The following CCDC73 variants were observed in gnomAD, a reference collection of about 807,000 sequenced individuals.
CCDC73 encodes coiled-coil domain containing 73, also known as coiled-coil domain-containing protein 73.
Under a neutral mutation model 116.5 loss-of-function variants are expected in CCDC73, and 95 were observed. The observed-to-expected ratio is 0.82, with a 90% CI of 0.69 to 0.97. CCDC73 has a LOEUF of 0.97. Among genes scored for constraint, CCDC73 ranks in the 50% least tolerant of loss-of-function variants. The probability of loss-of-function intolerance (pLI) is 0.00; values close to 1 mark genes in which losing one functional copy is unlikely to be tolerated. For missense variants in CCDC73, 1,066 were observed against 1,206.8 expected, an observed-to-expected ratio of 0.88 and a Z score of 1.73; for synonymous variants, 398 against 401.3, an observed-to-expected ratio of 0.99 and a Z score of 0.10.
At chr11:32,756,678 C>T (rs949420404) in intron 2 of CCDC73, among the ~76,000 whole-genome samples, 4 of 151,712 alleles carry the variant, frequency 2.6e-5, no homozygotes, top group Non-Finnish European at 5.9e-5. Flanking sequence ...ATCTTCCGAA[C>T]GATACAAGGA....
intron 12 of CCDC73, among the ~76,000 whole-genome samples, chr11:32,644,576 C>T (rs893374056): frequency 2.0e-5 from 3 of 152,190 alleles, no homozygotes; most frequent in African/African-American, 4.8e-5. Flanking sequence ...ACTATCACCA[C>T]TATCCATGTT....
chr11:32,786,437 A>G, intron 1 of CCDC73, among the ~76,000 whole-genome samples: 2 of 117,470 alleles, frequency 1.7e-5, no homozygotes, highest in South Asian at 5.3e-4. Context: ...TATAATATAT[A>G]ATAAATATAT....
intron 3 of CCDC73, among the ~76,000 whole-genome samples, chr11:32,716,548 A>G (rs977690661): frequency 6.6e-6 from 1 of 152,134 alleles, no homozygotes; most frequent in Admixed American, 6.5e-5. Flanking sequence ...TATGTTCTTG[A>G]CATTTTAAAT....
intron 17 of CCDC73, among the ~76,000 whole-genome samples, chr11:32,610,654 A>G (rs1027502806): frequency 2.0e-5 from 3 of 152,200 alleles, no homozygotes; most frequent in Non-Finnish European, 2.9e-5. Flanking sequence ...ATACTTTAAT[A>G]CATATATCCA....
At chr11:32,792,904 T>C (rs1037554326) in intron 1 of CCDC73, among the ~76,000 whole-genome samples, 2 of 152,218 alleles carry the variant, frequency 1.3e-5, no homozygotes, top group Non-Finnish European at 2.9e-5. Context: ...TGGGGTTTGT[T>C]TTTTTAGGAT....
intron 2 of CCDC73, among the ~76,000 whole-genome samples, chr11:32,755,695 GTATATATATATCTCCATATATA>G (rs1565094218): frequency 4.1e-4 from 11 of 26,950 alleles, no homozygotes; most frequent in Admixed American, 1.1e-3. Context: ...ATATATATGT[GTATATATATATCTCCATATATA>G]TGTGTATATA....
the CCDC73 span, among the ~76,000 whole-genome samples, chr11:32,806,048 A>G: frequency 2.6e-5 from 4 of 152,228 alleles, no homozygotes; most frequent in African/African-American, 9.6e-5. Flanking sequence ...TCTAAGACTC[A>G]TTTTTGGAAA....
At chr11:32,732,303 G>C (rs1207159670) in intron 2 of CCDC73, among the ~76,000 whole-genome samples, 1 of 152,304 alleles carries the variant, frequency 6.6e-6, no homozygotes, top group South Asian at 2.1e-4. Flanking sequence ...TGGTGTACCT[G>C]AAAGTGATGG....
At chr11:32,624,395 A>C (rs978068973) in intron 14 of CCDC73, among the ~76,000 whole-genome samples, 1 of 152,156 alleles carries the variant, frequency 6.6e-6, no homozygotes, top group Non-Finnish European at 1.5e-5. Flanking sequence ...TCTTTGACCC[A>C]GCAATACCAT....
At chr11:32,763,710 T>TC (rs1240715923) in intron 1 of CCDC73, among the ~76,000 whole-genome samples, 1 of 152,032 alleles carries the variant, frequency 6.6e-6, no homozygotes, top group African/African-American at 2.4e-5. Context: ...AGAGCACCTC[T>TC]CCCCCTCCAA....
intron 2 of CCDC73, among the ~76,000 whole-genome samples, chr11:32,755,821 ATATG>A (rs1654248616): frequency 7.4e-6 from 1 of 134,768 alleles, no homozygotes; most frequent in African/African-American, 2.8e-5. Flanking sequence ...ATCTCCATAT[ATATG>A]TGTGTGTATA....
intron 2 of CCDC73, among the ~76,000 whole-genome samples, chr11:32,742,737 A>G (rs147014437): frequency 0.084 from 12,848 of 152,212 alleles, 622 homozygotes; most frequent in South Asian, 0.12. Flanking sequence ...GCCCACGCCT[A>G]TGTCCTGAAT....
intron 10 of CCDC73, 73 bp downstream of exon 10, chr11:32,654,771 G>A (rs890707814): frequency 7.3e-6 from 8 of 1,102,852 alleles, no homozygotes; most frequent in Non-Finnish European, 1.0e-5. Flanking sequence ...GTATTTTTGT[G>A]TTACAATTCT....
At chr11:32,605,342 C>CTGAT (rs767446416) in intron 17 of CCDC73, 7 of 151,962 alleles carry the variant, frequency 4.6e-5, no homozygotes, top group Non-Finnish European at 7.4e-5. Flanking sequence ...TCATATTTAT[C>CTGAT]TGATTGGCTT....
chr11:32,669,693 C>T (rs1333971070), intron 9 of CCDC73, among the ~76,000 whole-genome samples: 1 of 151,826 alleles, frequency 6.6e-6, no homozygotes, highest in African/African-American at 2.4e-5. Context: ...TTAGATCCCA[C>T]AAATAAATGA....
At chr11:32,815,522 G>A in the CCDC73 span, among the ~76,000 whole-genome samples, 2 of 152,012 alleles carry the variant, frequency 1.3e-5, no homozygotes, top group African/African-American at 4.8e-5. Flanking sequence ...TCTAATAGGC[G>A]CCCAGCCTAT....
chr11:32,618,415 A>G (rs1739203907), intron 14 of CCDC73, among the ~76,000 whole-genome samples: 2 of 152,176 alleles, frequency 1.3e-5, no homozygotes, highest in Admixed American at 6.5e-5. Flanking sequence ...TTGCTGGGTC[A>G]AATTGTAGTT....
chr11:32,741,602 C>T (rs937936774), intron 2 of CCDC73, among the ~76,000 whole-genome samples: 1 of 151,502 alleles, frequency 6.6e-6, no homozygotes, highest in South Asian at 2.1e-4. Flanking sequence ...TTGTAGGTAA[C>T]AGATTGTTGA....
chr11:32,726,333 T>G (rs1850029403), intron 2 of CCDC73, among the ~76,000 whole-genome samples: 1 of 152,038 alleles, frequency 6.6e-6, no homozygotes, highest in Non-Finnish European at 1.5e-5. Flanking sequence ...ACAAAATGAA[T>G]TTCCACAGAG....
Sources: allele counts gnomAD v4.1 joint callset (sites outside exome capture counted in the v4.1 genomes callset), GRCh38; gene constraint gnomAD v4.1.1; transcripts MANE v1.5; gene names NCBI Gene and HGNC (gene_info 2026-07-23, HGNC 2026-07-21).